Variants in PPP6R2 observed in about 807,000 individuals in gnomAD.
PPP6R2 encodes serine/threonine-protein phosphatase 6 regulatory subunit 2.
In PPP6R2, 62 loss-of-function variants were observed where a neutral mutation model predicts 100.2. The observed-to-expected ratio is 0.62, with a 90% CI of 0.50 to 0.76. The LOEUF (loss-of-function observed/expected upper bound fraction) is 0.76. Among genes scored for constraint, PPP6R2 ranks in the 30% least tolerant of loss-of-function variants. The pLI, the probability that PPP6R2 is intolerant of heterozygous loss-of-function variation, is 0.00. For missense variants in PPP6R2, 1,142 were observed against 1,276.3 expected, an observed-to-expected ratio of 0.89 and a Z score of 1.60; for synonymous variants, 525 against 514.7, an observed-to-expected ratio of 1.02 and a Z score of -0.27.
chr22:50,409,235 C>T (rs1005107496), intron 4 of PPP6R2, among the ~76,000 whole-genome samples: 1 of 152,176 alleles, frequency 6.6e-6, no homozygotes, highest in Non-Finnish European at 1.5e-5. Flanking sequence ...AATGACCGTC[C>T]GCATTTTCCC....
At chr22:50,394,913 C>CAAA (rs57028687) in intron 3 of PPP6R2, among the ~76,000 whole-genome samples, 23,907 of 76,076 alleles carry the variant, frequency 0.31, 3,559 homozygotes, top group South Asian at 0.5. Context: ...GACTCTGTCT[C>CAAA]AAAAAAAAAA....
chr22:50,358,509 A>G (rs1326062520), intron 1 of PPP6R2, among the ~76,000 whole-genome samples: 2 of 152,240 alleles, frequency 1.3e-5, no homozygotes, highest in Non-Finnish European at 1.5e-5. Flanking sequence ...TTGAGATAAA[A>G]TTAATATGAT....
At chr22:50,374,026 C>T (rs1003201693) in intron 2 of PPP6R2, among the ~76,000 whole-genome samples, 10 of 152,106 alleles carry the variant, frequency 6.6e-5, no homozygotes, top group Non-Finnish European at 8.8e-5. Context: ...CGTGAGCCAC[C>T]GCACCCAGCC....
intron 2 of PPP6R2, among the ~76,000 whole-genome samples, chr22:50,379,706 C>G (rs2052457079): frequency 6.6e-6 from 1 of 152,184 alleles, no homozygotes; most frequent in Admixed American, 6.6e-5. Context: ...ATAGGGAGAC[C>G]TTGTCTCTAC....
chr22:50,383,656 T>C (rs953936218), intron 2 of PPP6R2, among the ~76,000 whole-genome samples: 2 of 152,198 alleles, frequency 1.3e-5, no homozygotes, highest in African/African-American at 4.8e-5. Context: ...TCTTTCTTGC[T>C]GTGCTTAAGA....
Position 50,430,536 on chromosome 22 carries a change from G to A in PPP6R2, c.1126-637G>A, listed in dbSNP as rs114016055. Among the ~76,000 whole-genome samples the A allele has an allele frequency of 5.2e-3, 796 of 152,332 alleles. 4 individuals carry two copies. Among genetic ancestry groups the A allele is most frequent in the Non-Finnish European group, 8.6e-3 (583 of 68,024 alleles). On this transcript the variant is annotated intron_variant, in intron 10 of 23. Transcript: ENST00000612753. ...CAGGGAAATGTAGCCTTTAAAGACA[G>A]ACTGGAAAGAAAGGCTGCAATTAAT... is the stretch of plus-strand genomic sequence containing the variant.
intron 10 of PPP6R2, among the ~76,000 whole-genome samples, chr22:50,427,591 T>G (rs532104811): frequency 6.6e-6 from 1 of 152,168 alleles, no homozygotes; most frequent in East Asian, 1.9e-4. Flanking sequence ...CTCACCCTGT[T>G]GCCCAGGCTG....
intron 13 of PPP6R2, among the ~76,000 whole-genome samples, chr22:50,435,659 C>T (rs2064079727): frequency 6.6e-6 from 1 of 152,186 alleles, no homozygotes; most frequent in Admixed American, 6.5e-5. Flanking sequence ...CCTCCCCGCA[C>T]CCCAGGACCA....
rs2060711942 is a variant in PPP6R2, at chr22:50,417,562, CAGT to C, written c.619-1304_619-1302del. Reference sequence around the variant, plus strand: ...CACGTGTCCTTGGCAGATTGGAAAACAGTGGTGCTGACTCGTGTCTGAGGCCTT... The same window carrying C: ...CACGTGTCCTTGGCAGATTGGAAAACGGTGCTGACTCGTGTCTGAGGCCTT... On this transcript the variant is annotated intron_variant, in intron 6 of 23. Transcript: ENST00000612753. Among the ~76,000 whole-genome samples the C allele has an allele frequency of 2.0e-5, 3 of 152,332 alleles. No individual in the cohort carries two copies. In the South Asian group the frequency reaches 6.2e-4, roughly 32 times the overall value.
At chr22:50,369,902 GTAA>G (rs1312296554) in intron 1 of PPP6R2, among the ~76,000 whole-genome samples, 1 of 133,674 alleles carries the variant, frequency 7.5e-6, no homozygotes, top group East Asian at 2.1e-4. Context: ...ACCCAGCTAA[GTAA>G]TTTTTTTTTT....
intron 14 of PPP6R2, 94 bp from the exon 15 acceptor site, chr22:50,436,893 AG>A (rs2064413647): frequency 5.1e-6 from 5 of 976,282 alleles, no homozygotes; most frequent in Admixed American, 4.0e-5. Context: ...GGGGTCTGGG[AG>A]CCCTGGGCTG....
chr22:50,372,618 C>T (rs1269211150), intron 2 of PPP6R2, among the ~76,000 whole-genome samples: 2 of 152,100 alleles, frequency 1.3e-5, no homozygotes, highest in African/African-American at 2.4e-5. Context: ...GTTTTTGATC[C>T]TCCTGTGTCT....
At chr22:50,436,534 G>A (rs1603410769) in intron 14 of PPP6R2, 82 bp downstream of exon 14, 17 of 1,359,906 alleles carry the variant, frequency 1.3e-5, no homozygotes, top group Non-Finnish European at 1.7e-5. Context: ...CCCTGAGGCA[G>A]AGGCCAAGGG....
intron 16 of PPP6R2, 108 bp downstream of exon 16, chr22:50,437,711 C>T (rs1042878991): frequency 3.1e-5 from 43 of 1,392,744 alleles, no homozygotes; most frequent in Admixed American, 2.3e-4. Flanking sequence ...CTGATGTCCC[C>T]GGGAGACAGC....
rs751859540 is a variant in PPP6R2 at position 50,393,881 on chromosome 22, C to A, written c.-16-12C>A. 1.7e-5 allele frequency: 28 copies of A among 1,613,600 alleles called. No individual in the cohort carries two copies. The highest frequency in any genetic ancestry group is 2.4e-5 in the Non-Finnish European group (28 of 1,179,704). On this transcript the variant is annotated splice_polypyrimidine_tract_variant and intron_variant, in intron 2 of 23. Coordinates refer to ENST00000612753, the MANE Select transcript of PPP6R2 (RefSeq NM_001242898.2). ...AGGGTGAGAGACGTGACCCCTTTGC[C>A]CTCGTTTGCAGCTCTGCGGCCGTCA...
intron 6 of PPP6R2, among the ~76,000 whole-genome samples, chr22:50,417,027 T>A (rs950422229): frequency 6.6e-6 from 1 of 152,038 alleles, no homozygotes; most frequent in African/African-American, 2.4e-5. Context: ...CAAATTACCC[T>A]GAAATGTAGT....
chr22:50,362,117 T>A (rs143237891), intron 1 of PPP6R2, among the ~76,000 whole-genome samples: 3 of 152,144 alleles, frequency 2.0e-5, no homozygotes, highest in Non-Finnish European at 4.4e-5. Context: ...AGGGTCTGCA[T>A]TGGGCTCCAG....
At chr22:50,417,709 T>C (rs1260803560) in intron 6 of PPP6R2, among the ~76,000 whole-genome samples, 1 of 151,922 alleles carries the variant, frequency 6.6e-6, no homozygotes, top group East Asian at 1.9e-4. Flanking sequence ...TGCCTGATGT[T>C]GGCGTCTGTA....
chr22:50,444,142 G>A (rs1482933625), intron 23 of PPP6R2, 25 bp downstream of exon 23: 1 of 1,611,778 alleles, frequency 6.2e-7, no homozygotes, highest in East Asian at 2.2e-5. Flanking sequence ...TGTGGGGGTA[G>A]GGGGTGTGGA....
Sources: allele counts gnomAD v4.1 joint callset (sites outside exome capture counted in the v4.1 genomes callset), GRCh38; gene constraint gnomAD v4.1.1; transcripts MANE v1.5; gene names NCBI Gene and HGNC (gene_info 2026-07-23, HGNC 2026-07-21).